SLC25A17: variants seen among roughly 807,000 people sequenced by gnomAD.
The protein encoded by SLC25A17 is peroxisomal membrane protein PMP34.
Under a neutral mutation model 38.5 loss-of-function variants are expected in SLC25A17, and 26 were observed. That is an observed-to-expected ratio of 0.68 (90% confidence interval 0.50 to 0.94). SLC25A17 has a LOEUF of 0.94. Among genes scored for constraint, SLC25A17 ranks in the 40% least tolerant of loss-of-function variants. The probability of loss-of-function intolerance (pLI) is 0.00; values close to 1 mark genes in which losing one functional copy is unlikely to be tolerated. For missense variants in SLC25A17, 333 were observed against 372.7 expected, an observed-to-expected ratio of 0.89 and a Z score of 0.88; for synonymous variants, 139 against 136.2, an observed-to-expected ratio of 1.02 and a Z score of -0.14.
chr22:40,795,987 C>T (rs1222897647), intron 2 of SLC25A17, among the ~76,000 whole-genome samples: 3 of 151,850 alleles, frequency 2.0e-5, no homozygotes, highest in African/African-American at 7.3e-5. Flanking sequence ...CAGGGTTTTA[C>T]CATGTTGGCC....
intron 1 of SLC25A17, among the ~76,000 whole-genome samples, chr22:40,804,660 C>G (rs1193593833): frequency 1.3e-5 from 2 of 152,174 alleles, no homozygotes; most frequent in Non-Finnish European, 2.9e-5. Context: ...CAAATAGTTT[C>G]TCCTATTGTA....
intron 4 of SLC25A17, among the ~76,000 whole-genome samples, chr22:40,783,971 T>C (rs1411564251): frequency 6.6e-6 from 1 of 152,062 alleles, no homozygotes; most frequent in Non-Finnish European, 1.5e-5. Flanking sequence ...TCTCAAAGTG[T>C]TGGGATTACA....
chr22:40,798,952 A>AAG, intron 2 of SLC25A17, 71 bp downstream of exon 2: 1 of 1,174,128 alleles, frequency 8.5e-7, no homozygotes, highest in Non-Finnish European at 1.2e-6. Flanking sequence ...TCAAAAAAAA[A>AAG]AAAAAAGAAA....
chr22:40,816,412 G>A (rs562378260), intron 1 of SLC25A17, among the ~76,000 whole-genome samples: 5 of 152,080 alleles, frequency 3.3e-5, no homozygotes, highest in Non-Finnish European at 7.4e-5. Flanking sequence ...ACACAGCTCT[G>A]TCCATTCATT....
At chr22:40,785,625 A>C (rs561562339) in intron 4 of SLC25A17, among the ~76,000 whole-genome samples, 135 of 152,292 alleles carry the variant, frequency 8.9e-4, no homozygotes, top group Non-Finnish European at 1.6e-3. Context: ...TTTGCAGGAC[A>C]AGGTAAGGAC....
At chr22:40,781,033 G>A (rs181280898) in intron 4 of SLC25A17, among the ~76,000 whole-genome samples, 1 of 152,054 alleles carries the variant, frequency 6.6e-6, no homozygotes, top group Non-Finnish European at 1.5e-5. Flanking sequence ...TAGCCAGGCA[G>A]GGTGGCACAC....
chr22:40,771,672 A>G (rs1167959460), intron 8 of SLC25A17, among the ~76,000 whole-genome samples: 3 of 152,204 alleles, frequency 2.0e-5, no homozygotes, highest in African/African-American at 7.2e-5. Flanking sequence ...AATTGAACTC[A>G]TGGAGATAAA....
intron 1 of SLC25A17, among the ~76,000 whole-genome samples, chr22:40,813,478 C>T (rs1052572176): frequency 1.3e-5 from 2 of 152,046 alleles, no homozygotes. Context: ...GCAGAGGTTG[C>T]AGTAAGCCGA....
At chr22:40,776,115 G>A (rs1258883720) in intron 7 of SLC25A17, 3 of 277,242 alleles carry the variant, frequency 1.1e-5, no homozygotes, top group African/African-American at 6.9e-5. Context: ...GCCCCACCAT[G>A]CCCCTCTCCA....
chr22:40,814,924 G>A lies in SLC25A17; in HGVS notation c.54+4271C>T, dbSNP rs5995955. Among the ~76,000 whole-genome samples the A allele has an allele frequency of 3.5e-3, 534 of 151,690 alleles. 5 individuals carry two copies. Among genetic ancestry groups the A allele is most frequent in the African/African-American group, 0.012 (512 of 41,370 alleles). ...AAGCTCCACCTCCCGGGTTCATGCCGTTCTCCTGCCTCAGCCTCCCGAGTA... is the reference window on the plus strand; with the variant it reads ...AAGCTCCACCTCCCGGGTTCATGCCATTCTCCTGCCTCAGCCTCCCGAGTA... On this transcript the variant is annotated intron_variant, in intron 1 of 8. Coordinates refer to ENST00000435456, the MANE Select transcript of SLC25A17 (RefSeq NM_006358.4).
intron 1 of SLC25A17, among the ~76,000 whole-genome samples, chr22:40,816,447 G>A (rs960616842): frequency 2.6e-5 from 4 of 151,990 alleles, no homozygotes; most frequent in Non-Finnish European, 4.4e-5. Flanking sequence ...GATTTCACAC[G>A]ACCATGGCAA....
intron 4 of SLC25A17, among the ~76,000 whole-genome samples, chr22:40,782,790 T>G (rs1044692968): frequency 7.9e-5 from 12 of 152,368 alleles, no homozygotes; most frequent in African/African-American, 2.9e-4. Flanking sequence ...ATAATACCTT[T>G]GGCATTCAGT....
intron 5 of SLC25A17, among the ~76,000 whole-genome samples, chr22:40,778,206 A>C (rs2145650891): frequency 6.6e-6 from 1 of 152,312 alleles, no homozygotes; most frequent in East Asian, 1.9e-4. Context: ...TAGAATAAAA[A>C]AGTATAGATC....
At chr22:40,811,806 G>A (rs1395649239) in intron 1 of SLC25A17, among the ~76,000 whole-genome samples, 1 of 152,098 alleles carries the variant, frequency 6.6e-6, no homozygotes, top group African/African-American at 2.4e-5. Context: ...CTGCCCCCAT[G>A]ACCCAAACAC....
intron 4 of SLC25A17, among the ~76,000 whole-genome samples, chr22:40,782,662 A>G (rs2057305306): frequency 6.6e-6 from 1 of 152,238 alleles, no homozygotes; most frequent in South Asian, 2.1e-4. Context: ...CACAAATCTA[A>G]CAAATCTCAC....
chr22:40,816,446 C>A (rs527748458), intron 1 of SLC25A17, among the ~76,000 whole-genome samples: 4 of 152,046 alleles, frequency 2.6e-5, no homozygotes, highest in Non-Finnish European at 4.4e-5. Flanking sequence ...TGATTTCACA[C>A]GACCATGGCA....
chr22:40,778,944 A>G, intron 5 of SLC25A17, 65 bp downstream of exon 5: 1 of 1,350,404 alleles, frequency 7.4e-7, no homozygotes, highest in Non-Finnish European at 1.1e-6. Flanking sequence ...TTTATGTGGC[A>G]ACATATTCCA....
At chr22:40,799,831 G>A (rs1440257877) in intron 1 of SLC25A17, among the ~76,000 whole-genome samples, 1 of 152,094 alleles carries the variant, frequency 6.6e-6, no homozygotes, top group Non-Finnish European at 1.5e-5. Context: ...TCCTCTTTCT[G>A]TCTCTCTCAG....
chr22:40,792,691 CAAT>C lies in SLC25A17; in HGVS notation c.183-18_183-16del. On this transcript the variant is annotated splice_polypyrimidine_tract_variant and intron_variant, in intron 3 of 8. Transcript: ENST00000435456. ...ATGGTGCCAGGCTAGGGGAAAAACA[CAAT>C]AAGCAAAGTAAAGGTCATGGACAAA... 6.2e-7 allele frequency: 1 copy of C among 1,613,146 alleles called. No homozygotes were observed. The highest frequency in any genetic ancestry group is 1.1e-5 in the South Asian group (1 of 91,030).
Sources: allele counts gnomAD v4.1 joint callset (sites outside exome capture counted in the v4.1 genomes callset), GRCh38; gene constraint gnomAD v4.1.1; transcripts MANE v1.5; gene names NCBI Gene and HGNC (gene_info 2026-07-23, HGNC 2026-07-21).